Variants in CRB2 observed in about 807,000 individuals in gnomAD.
CRB2 encodes the protein protein crumbs homolog 2.
Under a neutral mutation model 110.9 loss-of-function variants are expected in CRB2, and 85 were observed. The ratio of observed to expected loss-of-function variants is 0.77; its 90% CI spans 0.64 to 0.92. CRB2 has a LOEUF of 0.92. Among genes scored for constraint, CRB2 ranks in the 40% least tolerant of loss-of-function variants. The pLI is 0.00. For missense variants in CRB2, 1,843 were observed against 1,851.3 expected, an observed-to-expected ratio of 1.00 and a Z score of 0.08; for synonymous variants, 907 against 831.0, an observed-to-expected ratio of 1.09 and a Z score of -1.57.
At chr9:123,355,601 A>T (rs1043868528), upstream of CRB2, among the ~76,000 whole-genome samples, 1 of 140,342 alleles carries the variant, frequency 7.1e-6, no homozygotes, top group Admixed American at 7.2e-5. Flanking sequence ...AGCAGGAGAC[A>T]CTGAGAAGGT....
chr9:123,364,224 G>T (rs1178373874), intron 2 of CRB2, among the ~76,000 whole-genome samples: 2 of 147,378 alleles, frequency 1.4e-5, no homozygotes, highest in Admixed American at 1.4e-4. Flanking sequence ...TCGTCCATGT[G>T]TCTCCTAGTT....
intron 9 of CRB2, 59 bp from the exon 10 acceptor site, chr9:123,373,075 A>G: frequency 1.5e-6 from 2 of 1,345,994 alleles, no homozygotes; most frequent in South Asian, 1.5e-5. Flanking sequence ...GGAAGTGGGG[A>G]GGTGGCATTT....
intron 8 of CRB2, 28 bp from the exon 9 acceptor site, chr9:123,372,149 G>A: frequency 1.2e-6 from 2 of 1,612,970 alleles, no homozygotes. Context: ...GCAGTCCTGA[G>A]CCAACCCCTG....
At chr9:123,379,093 C>G (rs1370340896), downstream of CRB2, among the ~76,000 whole-genome samples, 2 of 139,892 alleles carry the variant, frequency 1.4e-5, no homozygotes, top group Non-Finnish European at 3.1e-5. Flanking sequence ...GTGTGAGCCA[C>G]CGCGCCCGGC....
chr9:123,368,569 C>T (rs1435995129), intron 6 of CRB2, among the ~76,000 whole-genome samples: 1 of 152,258 alleles, frequency 6.6e-6, no homozygotes, highest in Non-Finnish European at 1.5e-5. Flanking sequence ...CATCTTACAG[C>T]TGAGAGGATG....
At chr9:123,375,091 A>G in intron 11 of CRB2, 126 bp from the exon 12 acceptor site, 1 of 1,372,416 alleles carries the variant, frequency 7.3e-7, no homozygotes, top group Non-Finnish European at 1.0e-6. Context: ...GGGCAGGAGC[A>G]GCGCATGGGG....
chr9:123,374,801 T>C, intron 11 of CRB2, 106 bp downstream of exon 11: 1 of 712,892 alleles, frequency 1.4e-6, no homozygotes, highest in Non-Finnish European at 2.4e-6. Flanking sequence ...CACCCCTCCC[T>C]GGTATCACAG....
Position 123,371,827 on chromosome 9 carries a change from AC to A in CRB2, c.2436+252del, listed in dbSNP as rs565873391. 7.8e-3 allele frequency among the ~76,000 whole-genome samples: 1,182 copies of A among 152,200 alleles called. 20 individuals carry two copies. Among genetic ancestry groups the A allele is most frequent in the Middle Eastern group, 0.024 (7 of 294 alleles). ...GAGCTAGTCCTGGTGTGAGAGAGAC[AC>A]CCTGACCGAGATAGAGAGCTGCCTG... On this transcript the variant is annotated intron_variant, in intron 8 of 12. Transcript: ENST00000373631.
intron 2 of CRB2, among the ~76,000 whole-genome samples, chr9:123,363,829 CA>C (rs2041897477): frequency 6.6e-6 from 1 of 152,230 alleles, no homozygotes; most frequent in Non-Finnish European, 1.5e-5. Flanking sequence ...GTCCCAGGCC[CA>C]CCCATGGTCT....
At chr9:123,375,705 T>G (rs1052678241) in intron 12 of CRB2, among the ~76,000 whole-genome samples, 1 of 152,142 alleles carries the variant, frequency 6.6e-6, no homozygotes, top group African/African-American at 2.4e-5. Context: ...AGGAGACTCA[T>G]CTCCAGGGGT....
rs1564371029 is a variant in CRB2 at position 123,366,037 on chromosome 9, G to GT, written c.541dup (p.Cys181LeufsTer101). The GT allele has an allele frequency of 6.3e-7, 1 of 1,586,240 alleles. No homozygotes were observed. Among genetic ancestry groups the GT allele is most frequent in the South Asian group, 1.1e-5 (1 of 89,258 alleles). ...TGCGCGCCAGGCTACGGGGGCACCC[G>GT]TTGCCAGCTGGACCTCGACGAGTGC... On this transcript the variant is annotated frameshift_variant, in exon 3 of 13. Coordinates refer to ENST00000373631, the MANE Select transcript of CRB2 (RefSeq NM_173689.7). LOFTEE classifies it high-confidence loss of function.
At chr9:123,374,437 G>A (rs1324492879) in intron 10 of CRB2, 142 bp from the exon 11 acceptor site, 3 of 665,646 alleles carry the variant, frequency 4.5e-6, no homozygotes, top group Non-Finnish European at 8.0e-6. Context: ...CCTCCCATCA[G>A]GGACCTCAAT....
rs547012993 is a variant in CRB2, at chr9:123,368,768, C to T, written c.1054+1082C>T. ...AGGCCATGCTGGGCATGGGGGAGGC[C>T]AGTGCCTGGCATTCCTGAGCAGGCT... On this transcript the variant is annotated intron_variant, in intron 6 of 12. Coordinates refer to ENST00000373631, the MANE Select transcript of CRB2 (RefSeq NM_173689.7). 5.9e-4 allele frequency: 683 copies of T among 1,152,698 alleles called. 1 individual carries two copies. Among genetic ancestry groups the T allele is most frequent in the Non-Finnish European group, 7.1e-4 (658 of 921,494 alleles). 71.4% of individuals were successfully genotyped at this position (1,152,698 alleles called of 1,614,324 possible).
At chr9:123,376,421 GC>G (rs1156884044) in intron 12 of CRB2, among the ~76,000 whole-genome samples, 4 of 152,046 alleles carry the variant, frequency 2.6e-5, no homozygotes, top group Admixed American at 2.0e-4. Context: ...CAGCCCCTCG[GC>G]CCCCCTGCCA....
chr9:123,370,742 T>C lies in CRB2; in HGVS notation c.1689T>C (p.Pro563=). The C allele has an allele frequency of 6.2e-7, 1 of 1,603,022 alleles. No homozygotes were observed. The highest frequency in any genetic ancestry group is 2.2e-5 in the East Asian group (1 of 44,878). ...LASTASATPL[P]AGISSAQLGD... is the part of the protein sequence containing the mutation. ...CCACGGCTTCGGCAACTCCGCTGCC[T>C]GCCGGGATCTCCTCTGCCCAGCTGG... The change falls in exon 7 of 13, where the codon CCT becomes CCC. Residue 563 remains proline, a synonymous_variant. Transcript: ENST00000373631.
intron 5 of CRB2, 63 bp downstream of exon 5, chr9:123,367,420 C>A: frequency 1.9e-6 from 2 of 1,032,630 alleles, no homozygotes; most frequent in Non-Finnish European, 1.3e-6. Flanking sequence ...ATCTTGTGCC[C>A]ACCCCCCCAC....
At chr9:123,359,738 C>G (rs191368879) in intron 1 of CRB2, among the ~76,000 whole-genome samples, 242 of 152,304 alleles carry the variant, frequency 1.6e-3, no homozygotes, top group African/African-American at 5.5e-3. Flanking sequence ...GTGTGAGCCA[C>G]TGCACCTGGC....
At position 123,366,243 on chromosome 9, in the gene CRB2, G is replaced by A. The variant is rs1189196003; in HGVS notation, c.631G>A (p.Ala211Thr). The A allele has an allele frequency of 1.1e-5, 16 of 1,477,930 alleles. No individual in the cohort carries two copies. Among genetic ancestry groups the A allele is most frequent in the South Asian group, 5.2e-5 (4 of 77,216 alleles). 91.6% of individuals were successfully genotyped at this position (1,477,930 alleles called of 1,614,324 possible). A position where few individuals can be genotyped will look rare whatever the true frequency, so the allele number is the denominator to read the frequency against. ...CCTCCCCAGGTTCCGGTGCGACTGC[G>A]CGGGCACCGGCTACGAGGGCACGCA... Reference protein sequence around the residue: ...DLVNGFRCDCAGTGYEGTHCE... With the variant: ...DLVNGFRCDCTGTGYEGTHCE... The change falls in exon 4 of 13, where the codon GCG (alanine) becomes ACG (threonine). Residue 211 changes from alanine (A) to threonine (T), a missense_variant. Physicochemically the swap from Ala to Thr is moderately conservative, Grantham distance 58 (BLOSUM62 0). Transcript: ENST00000373631.
In CRB2 at chr9:123,375,099, G is replaced by C. The variant is rs1010077757; in HGVS notation, c.3507-118G>C. The C allele has an allele frequency of 2.7e-6, 4 of 1,475,206 alleles. No homozygotes were observed. The African/African-American group carries it at 5.6e-5, about 20-fold the overall frequency. The allele number at this position is 1,475,206 out of a possible 1,614,324, so 91.4% of individuals were successfully genotyped here. Reference sequence around the variant, plus strand: ...CCCAGCTGGGCAGGAGCAGCGCATGGGGACAGTGGATGGATAAGCTCTGAT... The same window carrying C: ...CCCAGCTGGGCAGGAGCAGCGCATGCGGACAGTGGATGGATAAGCTCTGAT... On this transcript the variant is annotated intron_variant, in intron 11 of 12. Transcript: ENST00000373631.
Sources: allele counts gnomAD v4.1 joint callset (sites outside exome capture counted in the v4.1 genomes callset), GRCh38; gene constraint gnomAD v4.1.1; transcripts MANE v1.5; gene names NCBI Gene and HGNC (gene_info 2026-07-23, HGNC 2026-07-21).